Variants in GCN1 observed in about 807,000 individuals in gnomAD.
GCN1 encodes stalled ribosome sensor GCN1.
GCN1 carries 90 observed loss-of-function variants against 288.4 expected under a neutral mutation model. The ratio of observed to expected loss-of-function variants is 0.31; its 90% CI spans 0.26 to 0.37. The LOEUF (loss-of-function observed/expected upper bound fraction) is 0.37. Among genes scored for constraint, GCN1 ranks in the 10% least tolerant of loss-of-function variants. The pLI, the probability that GCN1 is intolerant of heterozygous loss-of-function variation, is 1.00. For synonymous variants in GCN1, 1,386 were observed against 1,420.2 expected (o/e 0.98, Z 0.54); for missense variants, 2,586 against 3,419.9 (o/e 0.76, Z 6.08).
intron 45 of GCN1, 98 bp downstream of exon 45, chr12:120,140,761 A>C: frequency 8.4e-7 from 1 of 1,192,824 alleles, no homozygotes; most frequent in Non-Finnish European, 1.2e-6. Context: ...GGGCAGCACA[A>C]ACCCCCTAGA....
At position 120,131,212 on chromosome 12, in the gene GCN1, C is replaced by T. The variant is rs766837866; in HGVS notation, c.7536G>A (p.Met2512Ile). Reference sequence around the variant, plus strand: ...TGTCCGCCGTGGCACTGCTCAGGATCATTTCCTGAACATCACTGCTATATC... The same window carrying T: ...TGTCCGCCGTGGCACTGCTCAGGATTATTTCCTGAACATCACTGCTATATC... ...AGRYSSDVQE[M>I]ILSSATADRI... The change falls in exon 55 of 58, where the codon ATG (methionine) becomes ATA (isoleucine). Residue 2512 changes from methionine (M) to isoleucine (I), a missense_variant. Physicochemically the swap from Met to Ile is conservative, Grantham distance 10. Transcript: ENST00000300648. 6 of 1,614,116 alleles carry T rather than the reference C, an allele frequency of 3.7e-6. No homozygotes were observed. In the South Asian group the frequency reaches 6.6e-5, roughly 18 times the overall value.
At chr12:120,169,750 C>A (rs1419173095) in intron 15 of GCN1, among the ~76,000 whole-genome samples, 2 of 152,234 alleles carry the variant, frequency 1.3e-5, no homozygotes, top group African/African-American at 2.4e-5. Context: ...GATCCGCCTG[C>A]CTCGGCCTCC....
In GCN1 at chr12:120,170,199, A is replaced by G; in HGVS notation, c.1489T>C (p.Leu497=). 6.2e-7 allele frequency: 1 copy of G among 1,614,200 alleles called. No homozygotes were observed. The highest frequency in any genetic ancestry group is 8.5e-7 in the Non-Finnish European group (1 of 1,180,026). The change falls in exon 15 of 58, where the codon TTA becomes CTA. Residue 497 remains leucine (L), a synonymous_variant. Coordinates refer to ENST00000300648, the MANE Select transcript of GCN1 (RefSeq NM_006836.2). The stretch of plus-strand genomic sequence containing the variant: ...TGTGAGTCAGCCACTGACAACTTTA[A>G]GAGCAACAAGGCTGCGGCAACCCCT... ...TEGVAAALLL[L]KLSVADSQAE...
At chr12:120,184,025 C>G in intron 4 of GCN1, 87 bp downstream of exon 4, 2 of 1,244,236 alleles carry the variant, frequency 1.6e-6, no homozygotes, top group Non-Finnish European at 2.3e-6. Flanking sequence ...TATCCTGGCT[C>G]CTCCCTCTGG....
intron 16 of GCN1, among the ~76,000 whole-genome samples, chr12:120,165,631 C>T (rs1878098320): frequency 6.6e-6 from 1 of 151,316 alleles, no homozygotes; most frequent in Non-Finnish European, 1.5e-5. Context: ...GCAAGCCTGG[C>T]TAATTTTTTT....
intron 5 of GCN1, among the ~76,000 whole-genome samples, chr12:120,179,323 C>T (rs571018103): frequency 3.0e-4 from 46 of 151,804 alleles, no homozygotes; most frequent in African/African-American, 1.1e-3. Flanking sequence ...CTCCACCTCC[C>T]GGGTTCAAGT....
intron 56 of GCN1, 38 bp from the exon 57 acceptor site, chr12:120,129,532 T>C (rs2139077762): frequency 6.8e-7 from 1 of 1,461,390 alleles, no homozygotes; most frequent in Non-Finnish European, 9.6e-7. Context: ...TGGATAGGCA[T>C]GTCATCTATT....
Position 120,127,336 on chromosome 12 carries a change from C to G in GCN1, c.*513G>C, listed in dbSNP as rs1318592205. On this transcript the variant is annotated 3_prime_UTR_variant, in exon 58 of 58. Transcript: ENST00000300648. The stretch of plus-strand genomic sequence containing the variant: ...CAGCCTTTCAAACCTATACCCCTCC[C>G]CAGACTTGGGAACTGCCAGAGCTGT... 6.5e-6 allele frequency: 1 copy of G among 152,954 alleles called. No individual in the cohort carries two copies. The highest frequency in any genetic ancestry group is 1.5e-5 in the Non-Finnish European group (1 of 68,264). 9.5% of individuals were successfully genotyped at this position (152,954 alleles called of 1,614,324 possible). A position where few individuals can be genotyped will look rare whatever the true frequency, so the allele number is the denominator to read the frequency against.
In GCN1 at chr12:120,177,533, C is replaced by T. The variant is rs771259801; in HGVS notation, c.752G>A (p.Arg251Gln). 15 of 1,610,490 alleles carry T rather than the reference C, an allele frequency of 9.3e-6. No individual in the cohort carries two copies. In the Admixed American group the frequency reaches 1.3e-4, roughly 14 times the overall value. The stretch of plus-strand genomic sequence containing the variant: ...CTTAAATTCTGAGTGGGACAGGTAT[C>T]GGAGCAGAGGGGCACAGCTATCCTA... Reference protein sequence around the residue: ...YLLDSCAPLLRYLSHSEFKDL... With the variant: ...YLLDSCAPLLQYLSHSEFKDL... Residue 251 changes from arginine to glutamine, a missense_variant, in exon 9 of 58, where the codon CGA (arginine) becomes CAA (glutamine). Transcript: ENST00000300648.
At chr12:120,150,886 A>G (rs552911134) in intron 34 of GCN1, among the ~76,000 whole-genome samples, 138 of 152,174 alleles carry the variant, frequency 9.1e-4, no homozygotes, top group African/African-American at 3.0e-3. Flanking sequence ...GCAGTGAGCC[A>G]AGATCACGCC....
rs1876951911 is a variant in GCN1 at position 120,134,969 on chromosome 12, A to G, written c.7009-243T>C. Among the ~76,000 whole-genome samples the G allele has an allele frequency of 6.6e-6, 1 of 152,208 alleles. No individual in the cohort carries two copies. Among genetic ancestry groups the G allele is most frequent in the Non-Finnish European group, 1.5e-5 (1 of 68,034 alleles). On this transcript the variant is annotated intron_variant, in intron 51 of 57. Coordinates refer to ENST00000300648, the MANE Select transcript of GCN1 (RefSeq NM_006836.2). This position sits in a 1 kb window ranked among gnomAD's most constrained non-coding sequence, Gnocchi z 5.0. ...GGAGGCCGAGGAGGCGGCGGCCGCT[A>G]TCTGAGGGAGCTGTCTCGCAGCCTT... is the stretch of plus-strand genomic sequence containing the variant.
intron 42 of GCN1, among the ~76,000 whole-genome samples, chr12:120,143,944 T>G (rs1877278221): frequency 6.6e-6 from 1 of 152,252 alleles, no homozygotes; most frequent in Admixed American, 6.5e-5. Flanking sequence ...ATTTCTCAAC[T>G]GGAGTTATCA....
chr12:120,130,291 G>C (rs1189601514), intron 56 of GCN1, among the ~76,000 whole-genome samples: 1 of 152,172 alleles, frequency 6.6e-6, no homozygotes, highest in African/African-American at 2.4e-5. Context: ...AGAAGTGCTG[G>C]GCCAACTAGA....
rs761933724 is a variant in GCN1 at position 120,151,130 on chromosome 12, C to A, written c.4309+15G>T. 6.2e-7 allele frequency: 1 copy of A among 1,610,750 alleles called. No individual in the cohort carries two copies. Among genetic ancestry groups the A allele is most frequent in the Admixed American group, 1.7e-5 (1 of 60,004 alleles). ...ACTTCCCATGCTGGGCAGCCCCAAG[C>A]TCAGAGATGCTCACCCTCTCGCCGG... is the stretch of plus-strand genomic sequence containing the variant. On this transcript the variant is annotated intron_variant, in intron 34 of 57. Transcript: ENST00000300648.
In GCN1 at chr12:120,160,532, C is replaced by T. The variant is rs190183000; in HGVS notation, c.2437-277G>A. ...TTTTATGTTAGAGAAATAAAGGTTC[C>T]TCAATGTACTCAAAAGGGTATTCTG... On this transcript the variant is annotated intron_variant, in intron 22 of 57. Coordinates refer to ENST00000300648, the MANE Select transcript of GCN1 (RefSeq NM_006836.2). Among the ~76,000 whole-genome samples, 5 of 152,320 alleles carry T rather than the reference C, an allele frequency of 3.3e-5. No homozygotes were observed. In the East Asian group the frequency reaches 9.6e-4, roughly 29 times the overall value.
At chr12:120,188,224 A>G (rs1272987176) in intron 2 of GCN1, among the ~76,000 whole-genome samples, 1 of 151,962 alleles carries the variant, frequency 6.6e-6, no homozygotes, top group Non-Finnish European at 1.5e-5. Context: ...ACCTGAGATC[A>G]GGAGTTCAAG....
At position 120,132,377 on chromosome 12, in the gene GCN1, A is replaced by T. The variant is rs1368625266; in HGVS notation, c.7318-355T>A. 2.8e-5 allele frequency among the ~76,000 whole-genome samples: 4 copies of T among 145,156 alleles called. No individual in the cohort carries two copies. In the East Asian group the frequency reaches 6.7e-4, roughly 24 times the overall value. ...ATTTATTATCTCAATTACTATCAAC[A>T]GCCCTGTGAGGCAGGGAGGGGCGGG... On this transcript the variant is annotated intron_variant, in intron 53 of 57. Transcript: ENST00000300648.
intron 16 of GCN1, among the ~76,000 whole-genome samples, chr12:120,167,368 A>G (rs980262623): frequency 1.3e-5 from 2 of 151,846 alleles, no homozygotes; most frequent in African/African-American, 2.4e-5. Context: ...AAAAAAAAAA[A>G]AAAAGAATGA....
At position 120,134,142 on chromosome 12, in the gene GCN1, T is replaced by C. The variant is rs115805931; in HGVS notation, c.7317+149A>G. The C allele has an allele frequency of 2.3e-3, 1,395 of 595,736 alleles. 29 individuals carry two copies. The highest frequency in any genetic ancestry group is 0.023 in the African/African-American group (1,255 of 53,956). The allele number at this position is 595,736 out of a possible 1,614,324, so 36.9% of individuals were successfully genotyped here. ...GTTTCCCTTGAAACCCGAGGAAATG[T>C]TGGTGAAGCATACAGGGTGATAGAA... is the stretch of plus-strand genomic sequence containing the variant. On this transcript the variant is annotated intron_variant, in intron 53 of 57. Transcript: ENST00000300648. This position sits in a 1 kb window ranked among gnomAD's most constrained non-coding sequence, Gnocchi z 5.0.
Sources: gnomAD v4.1 joint callset for allele counts (sites outside exome capture counted in the v4.1 genomes callset) on GRCh38, gnomAD v4.1.1 for gene constraint, Gnocchi (gnomAD v3.1) non-coding constraint, MANE v1.5 for transcripts, NCBI Gene and HGNC (gene_info 2026-07-23, HGNC 2026-07-21) for gene names.